The following HMGCLL1 variants were observed in gnomAD, a reference collection of about 807,000 sequenced individuals.
HMGCLL1 encodes 3-hydroxy-3-methylglutaryl-CoA lyase like 1, also known as 3-hydroxymethyl-3-methylglutaryl-CoA lyase, cytoplasmic.
HMGCLL1 carries 36 observed loss-of-function variants against 39.1 expected under a neutral mutation model. That is an observed-to-expected ratio of 0.92 (90% CI 0.71 to 1.22). HMGCLL1 has a LOEUF of 1.22. HMGCLL1 is among the 50% of genes most tolerant of loss of function. The pLI, the probability that HMGCLL1 is intolerant of heterozygous loss-of-function variation, is 0.00. For synonymous variants in HMGCLL1, 149 were observed against 144.0 expected (o/e 1.03, Z -0.25); for missense variants, 451 against 416.5 (o/e 1.08, Z -0.72).
At chr6:55,622,468 T>A in the HMGCLL1 span, among the ~76,000 whole-genome samples, 1 of 152,110 alleles carries the variant, frequency 6.6e-6, no homozygotes, top group East Asian at 1.9e-4. Context: ...TTTTGATGGT[T>A]TTTATTATGA....
In HMGCLL1 at chr6:55,481,410, G is replaced by A. The variant is rs985404703; in HGVS notation, c.795+14009C>T. ...ATAACTAAAAGAGTAGAACTGGAACGTTTGCAATACAAAGAAAGGATAAAT... is the reference window on the plus strand; with the variant it reads ...ATAACTAAAAGAGTAGAACTGGAACATTTGCAATACAAAGAAAGGATAAAT... On this transcript the variant is annotated intron_variant, in intron 7 of 8. Coordinates refer to ENST00000274901, the MANE Select transcript of HMGCLL1 (RefSeq NM_001042406.2). Among the ~76,000 whole-genome samples the A allele has an allele frequency of 3.3e-5, 5 of 151,886 alleles. No individual in the cohort carries two copies. In the East Asian group the frequency reaches 7.7e-4, roughly 23 times the overall value.
intron 1 of HMGCLL1, among the ~76,000 whole-genome samples, chr6:55,558,940 T>C (rs951335740): frequency 2.0e-5 from 3 of 152,184 alleles, no homozygotes; most frequent in African/African-American, 7.2e-5. Flanking sequence ...ATTTTGGTTA[T>C]CTAAATCTGA....
At chr6:55,617,524 T>C in the HMGCLL1 span, among the ~76,000 whole-genome samples, 1 of 152,108 alleles carries the variant, frequency 6.6e-6, no homozygotes, top group African/African-American at 2.4e-5. Flanking sequence ...GGAGAGGGCA[T>C]ACACTGAAGA....
chr6:55,480,812 G>A (rs1765702164), intron 7 of HMGCLL1, among the ~76,000 whole-genome samples: 1 of 148,238 alleles, frequency 6.7e-6, no homozygotes, highest in Non-Finnish European at 1.5e-5. Flanking sequence ...AAAAAAGAAT[G>A]AGATCCCGTT....
intron 7 of HMGCLL1, among the ~76,000 whole-genome samples, chr6:55,440,735 C>T (rs945714160): frequency 1.3e-5 from 2 of 152,132 alleles, no homozygotes; most frequent in Non-Finnish European, 2.9e-5. Flanking sequence ...TCACAGGTTA[C>T]TGCTACATTC....
At chr6:55,550,548 G>A (rs1167207806) in intron 1 of HMGCLL1, among the ~76,000 whole-genome samples, 1 of 151,800 alleles carries the variant, frequency 6.6e-6, no homozygotes, top group Non-Finnish European at 1.5e-5. Flanking sequence ...ACAAATCCTT[G>A]TCCAGGAGAC....
intron 3 of HMGCLL1, among the ~76,000 whole-genome samples, chr6:55,517,446 T>C (rs1767799290): frequency 6.6e-6 from 1 of 151,962 alleles, no homozygotes; most frequent in South Asian, 2.1e-4. Context: ...GAATAGTATA[T>C]AAGCAGTGGA....
At chr6:55,467,208 A>G (rs1208907444) in intron 7 of HMGCLL1, among the ~76,000 whole-genome samples, 1 of 152,094 alleles carries the variant, frequency 6.6e-6, no homozygotes, top group Non-Finnish European at 1.5e-5. Context: ...CAACTAATAA[A>G]GGTCTCACTT....
intron 7 of HMGCLL1, among the ~76,000 whole-genome samples, chr6:55,458,132 A>C (rs1764405476): frequency 6.6e-6 from 1 of 152,202 alleles, no homozygotes; most frequent in Non-Finnish European, 1.5e-5. Flanking sequence ...TATTACTGTT[A>C]AACTCTCATG....
chr6:55,568,866 C>G (rs1434296606), intron 1 of HMGCLL1, among the ~76,000 whole-genome samples: 1 of 151,900 alleles, frequency 6.6e-6, no homozygotes, highest in Non-Finnish European at 1.5e-5. Flanking sequence ...CACACACACA[C>G]ACACACACAA....
intron 5 of HMGCLL1, 70 bp downstream of exon 5, chr6:55,513,978 C>G: frequency 7.7e-7 from 1 of 1,301,180 alleles, no homozygotes; most frequent in Non-Finnish European, 1.1e-6. Flanking sequence ...ATAAGAATCT[C>G]TAGATAATTT....
At chr6:55,551,228 G>A (rs1266369116) in intron 1 of HMGCLL1, among the ~76,000 whole-genome samples, 2 of 151,760 alleles carry the variant, frequency 1.3e-5, no homozygotes, top group Non-Finnish European at 2.9e-5. Context: ...CAGATTCTTG[G>A]ATACAAGGTT....
chr6:55,655,188 C>G, the HMGCLL1 span, among the ~76,000 whole-genome samples: 6 of 152,078 alleles, frequency 3.9e-5, no homozygotes, highest in African/African-American at 1.4e-4. Flanking sequence ...TTTATCACAT[C>G]TCTGATCTTT....
chr6:55,615,803 C>A, the HMGCLL1 span, among the ~76,000 whole-genome samples: 2 of 151,996 alleles, frequency 1.3e-5, no homozygotes, highest in African/African-American at 4.8e-5. Context: ...TAACAGAAGA[C>A]TGAAAGCTTA....
intron 7 of HMGCLL1, among the ~76,000 whole-genome samples, chr6:55,461,219 A>AT (rs906919076): frequency 5.9e-4 from 90 of 151,420 alleles, no homozygotes; most frequent in African/African-American, 9.2e-4. Flanking sequence ...GGAAGTAAAG[A>AT]TTTTTTTTTA....
intron 7 of HMGCLL1, among the ~76,000 whole-genome samples, chr6:55,448,985 T>A (rs1234079379): frequency 1.3e-5 from 2 of 152,172 alleles, no homozygotes; most frequent in African/African-American, 4.8e-5. Context: ...AATGATATCA[T>A]CTAAGTTTTG....
chr6:55,469,442 CAT>C (rs1370230914), intron 7 of HMGCLL1, among the ~76,000 whole-genome samples: 3 of 141,148 alleles, frequency 2.1e-5, no homozygotes, highest in East Asian at 2.0e-4. Flanking sequence ...AGTATATATA[CAT>C]ATATATGTAT....
At chr6:55,591,876 T>G in the HMGCLL1 span, among the ~76,000 whole-genome samples, 2 of 151,962 alleles carry the variant, frequency 1.3e-5, no homozygotes, top group Non-Finnish European at 2.9e-5. Flanking sequence ...TAGGAGTGCT[T>G]TATTAACTGG....
the HMGCLL1 span, among the ~76,000 whole-genome samples, chr6:55,586,273 C>A: frequency 1.3e-5 from 2 of 151,994 alleles, no homozygotes; most frequent in Admixed American, 1.3e-4. Context: ...GGGAAAGAGA[C>A]CACATTCGAG....
Sources: gnomAD v4.1 joint callset for allele counts (sites outside exome capture counted in the v4.1 genomes callset) on GRCh38, gnomAD v4.1.1 for gene constraint, MANE v1.5 for transcripts, NCBI Gene and HGNC (gene_info 2026-07-23, HGNC 2026-07-21) for gene names.